The following ATAD2 variants were observed in gnomAD, a reference collection of about 807,000 sequenced individuals.
The protein encoded by ATAD2 is ATPase family AAA domain-containing protein 2.
A neutral mutation model predicts 168.9 loss-of-function variants in ATAD2; 62 were observed. The observed-to-expected ratio is 0.37, with a 90% confidence interval of 0.30 to 0.45. The LOEUF (loss-of-function observed/expected upper bound fraction) is 0.45, where lower values mean the gene tolerates loss of function less well. Ranked by LOEUF, ATAD2 falls within the 20% of genes least tolerant of loss-of-function variation. ATAD2 has a pLI of 1.00. For synonymous variants in ATAD2, 613 were observed against 571.6 expected, an observed-to-expected ratio of 1.07 and a Z score of -1.03; for missense variants, 1,419 against 1,667.8, an observed-to-expected ratio of 0.85 and a Z score of 2.60.
At chr8:123,331,236 T>C (rs1827768038) in intron 24 of ATAD2, among the ~76,000 whole-genome samples, 1 of 152,094 alleles carries the variant, frequency 6.6e-6, no homozygotes, top group South Asian at 2.1e-4. Context: ...CCACTGCGCC[T>C]GGTATTCTTT....
At chr8:123,345,365 TA>T (rs1828202245) in intron 18 of ATAD2, among the ~76,000 whole-genome samples, 1 of 152,070 alleles carries the variant, frequency 6.6e-6, no homozygotes, top group East Asian at 1.9e-4. Context: ...TTTTATGTTT[TA>T]AAAATGTTAA....
Position 123,371,663 on chromosome 8 carries a change from T to A in ATAD2, c.536+7A>T. On this transcript the variant is annotated splice_region_variant and intron_variant, in intron 4 of 27. Coordinates refer to ENST00000287394, the MANE Select transcript of ATAD2 (RefSeq NM_014109.4). Reference sequence around the variant, plus strand: ...AAATCATCTTGATCTAAGGAATTTTTACTTACTTAGTTATAAGTTTGTCAA... The same window carrying A: ...AAATCATCTTGATCTAAGGAATTTTAACTTACTTAGTTATAAGTTTGTCAA... 1.3e-6 allele frequency: 2 copies of A among 1,590,404 alleles called. No homozygotes were observed. Among genetic ancestry groups the A allele is most frequent in the South Asian group, 2.3e-5 (2 of 86,218 alleles).
At chr8:123,399,734 A>C (rs1812972608), upstream of ATAD2, among the ~76,000 whole-genome samples, 1 of 151,778 alleles carries the variant, frequency 6.6e-6, no homozygotes, top group African/African-American at 2.4e-5. Context: ...GGCACCTGTA[A>C]TCCCAGCTAC....
At chr8:123,365,276 C>A (rs1222363312) in intron 8 of ATAD2, among the ~76,000 whole-genome samples, 1 of 152,058 alleles carries the variant, frequency 6.6e-6, no homozygotes, top group Non-Finnish European at 1.5e-5. Context: ...AAAGAAATAA[C>A]AGATGACACA....
chr8:123,334,563 C>G (rs1304204213), intron 22 of ATAD2, among the ~76,000 whole-genome samples: 3 of 151,594 alleles, frequency 2.0e-5, no homozygotes, highest in African/African-American at 2.4e-5. Context: ...TGTTCAGATC[C>G]CTTTGAAATA....
chr8:123,346,661 A>G lies in ATAD2; in HGVS notation c.2302T>C (p.Ser768Pro). The change falls in exon 17 of 28, where the codon TCT (serine) becomes CCT (proline). Residue 768 changes from serine (S) to proline (P), a missense_variant. Ser to Pro is a moderately conservative substitution (Grantham distance 74). This residue lies in a region of ATAD2 where 545 missense variants were observed against 724.9 expected (regional missense o/e 0.75). Transcript: ENST00000287394. ...VYENGLSQKSSHKAKDNFNFL... is the reference protein window; with the variant it reads ...VYENGLSQKSPHKAKDNFNFL... The stretch of plus-strand genomic sequence containing the variant: ...TTAAAATTGTCTTTTGCCTTATGAG[A>G]AGATTTCTGAGAAAGTCCATTTTCA... The G allele has an allele frequency of 6.3e-7, 1 of 1,585,844 alleles. No homozygotes were observed. The highest frequency in any genetic ancestry group is 1.2e-5 in the South Asian group (1 of 85,284).
chr8:123,355,003 T>C (rs1478736523), intron 13 of ATAD2, among the ~76,000 whole-genome samples: 2 of 151,260 alleles, frequency 1.3e-5, no homozygotes, highest in Non-Finnish European at 2.9e-5. Context: ...GATTATGAAG[T>C]GATGGAAGTA....
chr8:123,362,660 C>G (rs1477111193), intron 8 of ATAD2, among the ~76,000 whole-genome samples: 1 of 152,028 alleles, frequency 6.6e-6, no homozygotes, highest in Non-Finnish European at 1.5e-5. Flanking sequence ...TTGTGATCCG[C>G]CCGCCTCAGC....
At chr8:123,375,368 G>C (rs927971006) in intron 2 of ATAD2, among the ~76,000 whole-genome samples, 1 of 152,154 alleles carries the variant, frequency 6.6e-6, no homozygotes, top group African/African-American at 2.4e-5. Flanking sequence ...ACACCAAAAA[G>C]GCAGACTATG....
intron 2 of ATAD2, among the ~76,000 whole-genome samples, chr8:123,375,934 C>T (rs574114054): frequency 2.0e-5 from 3 of 151,652 alleles, no homozygotes; most frequent in African/African-American, 4.8e-5. Flanking sequence ...GGTGAGACCC[C>T]GTCTCTACTA....
intron 2 of ATAD2, among the ~76,000 whole-genome samples, chr8:123,377,090 T>TTAAAAAAA (rs1297063054): frequency 1.6e-3 from 1 of 622 alleles, no homozygotes; most frequent in African/African-American, 4.3e-3. Context: ...AGACTCCGTC[T>TTAAAAAAA]CAAAAAAAAA....
At chr8:123,400,649 C>T, upstream of ATAD2, 2 of 689,582 alleles carry the variant, frequency 2.9e-6, no homozygotes, top group Middle Eastern at 4.0e-4. This position sits in a 1 kb window ranked among gnomAD's most constrained non-coding sequence, Gnocchi z 4.5. Context: ...CAGCTCTTCG[C>T]CAGAGCCGAC....
chr8:123,382,299 A>T (rs1299932143), intron 1 of ATAD2, among the ~76,000 whole-genome samples: 2 of 152,234 alleles, frequency 1.3e-5, no homozygotes, highest in African/African-American at 4.8e-5. Context: ...TAAAAAGGAT[A>T]TTTATACCAC....
intron 26 of ATAD2, 89 bp downstream of exon 26, chr8:123,325,804 C>G: frequency 6.7e-7 from 1 of 1,482,136 alleles, no homozygotes; most frequent in Middle Eastern, 1.8e-4. Flanking sequence ...CATGTAAATC[C>G]CATGTAGCCA....
At chr8:123,381,920 C>T (rs1279562491) in intron 1 of ATAD2, among the ~76,000 whole-genome samples, 1 of 152,098 alleles carries the variant, frequency 6.6e-6, no homozygotes, top group South Asian at 2.1e-4. Context: ...GTGGTGCGTG[C>T]ATGTAATCCC....
chr8:123,338,810 G>C (rs1161437476), intron 20 of ATAD2, among the ~76,000 whole-genome samples: 3 of 152,100 alleles, frequency 2.0e-5, no homozygotes, highest in Non-Finnish European at 4.4e-5. Context: ...GAGGTGGGAG[G>C]ATGCTTGAGC....
chr8:123,340,779 G>A (rs1563838750), intron 19 of ATAD2, among the ~76,000 whole-genome samples: 1 of 152,138 alleles, frequency 6.6e-6, no homozygotes, highest in Non-Finnish European at 1.5e-5. Flanking sequence ...AGAAGTTACC[G>A]AGGGCTGTGG....
chr8:123,380,842 T>C, intron 1 of ATAD2, 165 bp from the exon 2 acceptor site: 1 of 635,950 alleles, frequency 1.6e-6, no homozygotes, highest in Admixed American at 3.1e-5. Context: ...GAAAAACCAT[T>C]TCATGATAAA....
intron 2 of ATAD2, among the ~76,000 whole-genome samples, chr8:123,378,727 C>CAAAAAAAAAAAAAAAAAAAA (rs1554646643): frequency 7.7e-5 from 7 of 91,020 alleles, no homozygotes; most frequent in African/African-American, 2.8e-4. Context: ...AAAAAAAAAT[C>CAAAAAAAAAAAAAAAAAAAA]AAAATTCCAT....
Sources: gnomAD v4.1 joint callset for allele counts (sites outside exome capture counted in the v4.1 genomes callset) on GRCh38, gnomAD v4.1.1 for gene constraint, gnomAD v4.1.1 regional missense constraint, Gnocchi (gnomAD v3.1) non-coding constraint, MANE v1.5 for transcripts, NCBI Gene and HGNC (gene_info 2026-07-23, HGNC 2026-07-21) for gene names.